Variants in NEUROD1 observed in about 807,000 individuals in gnomAD.
NEUROD1 encodes the protein neuronal differentiation 1.
NEUROD1 carries 9 observed loss-of-function variants against 21.8 expected under a neutral mutation model. The observed-to-expected ratio is 0.41, with a 90% confidence interval of 0.25 to 0.72. The LOEUF is 0.72. NEUROD1 is among the 30% of genes least tolerant of loss of function. The pLI, the probability that NEUROD1 is intolerant of heterozygous loss-of-function variation, is 0.31. For missense variants in NEUROD1, 434 were observed against 468.8 expected (o/e 0.93, Z 0.69); for synonymous variants, 199 against 186.2 (o/e 1.07, Z -0.56).
downstream of NEUROD1, chr2:181,673,449 T>C (rs1688524801): frequency 6.6e-6 from 1 of 152,262 alleles, no homozygotes; most frequent in Non-Finnish European, 1.5e-5. Context: ...TCACTGTGCA[T>C]CTGACGCCAG....
At position 181,678,771 on chromosome 2, in the gene NEUROD1, C is replaced by T; in HGVS notation, c.90G>A (p.Gln30=). The change falls in exon 2 of 2, where the codon CAG becomes CAA. Residue 30 remains glutamine (Q), a synonymous_variant. Coordinates refer to ENST00000295108, the MANE Select transcript of NEUROD1 (RefSeq NM_002500.5). This position sits in a 1 kb window ranked among gnomAD's most constrained non-coding sequence, Gnocchi z 5.5. ...PSWTDECLSS[Q]DEEHEADKKE... ...TCTTGTCTGCCTCGTGCTCCTCGTC[C>T]TGAGAACTGAGACACTCGTCTGTCC... is the stretch of plus-strand genomic sequence containing the variant. 1 of 1,613,256 alleles carries T rather than the reference C, an allele frequency of 6.2e-7. No homozygotes were observed. The highest frequency in any genetic ancestry group is 8.5e-7 in the Non-Finnish European group (1 of 1,179,494).
At chr2:181,669,969 A>G (rs1199810466), downstream of NEUROD1, among the ~76,000 whole-genome samples, 1 of 152,178 alleles carries the variant, frequency 6.6e-6, no homozygotes, top group African/African-American at 2.4e-5. Context: ...TAAAACCCAA[A>G]AATAGAGACA....
chr2:181,679,135 ATG>A (rs1688653670), intron 1 of NEUROD1, among the ~76,000 whole-genome samples: 2 of 152,190 alleles, frequency 1.3e-5, no homozygotes, highest in East Asian at 3.9e-4. Context: ...ACTCACGCAT[ATG>A]TGTTTGTATC....
chr2:181,668,760 T>A (rs1688454965), downstream of NEUROD1, among the ~76,000 whole-genome samples: 1 of 152,190 alleles, frequency 6.6e-6, no homozygotes, highest in South Asian at 2.1e-4. Flanking sequence ...AAAAATTAGA[T>A]GGATTAAGAC....
At chr2:181,673,921 A>C (rs898917551), downstream of NEUROD1, among the ~76,000 whole-genome samples, 3 of 152,172 alleles carry the variant, frequency 2.0e-5, no homozygotes, top group Non-Finnish European at 4.4e-5. Context: ...ATTTATTTCA[A>C]ATGGTATTTT....
At chr2:181,679,749 T>G (rs542538527) in intron 1 of NEUROD1, among the ~76,000 whole-genome samples, 1 of 152,360 alleles carries the variant, frequency 6.6e-6, no homozygotes, top group East Asian at 1.9e-4. Flanking sequence ...GATTGAGTAA[T>G]TATAATGGTC....
chr2:181,678,170 A>G lies in NEUROD1; in HGVS notation c.691T>C (p.Tyr231His). ...YQSPGLPSPPYGTMDSSHVFH... is the reference protein window; with the variant it reads ...YQSPGLPSPPHGTMDSSHVFH... ...ACATGGGAGCTGTCCATGGTACCGTAAGGCGGACTGGGCAGCCCAGGCGAC... is the reference window on the plus strand; with the variant it reads ...ACATGGGAGCTGTCCATGGTACCGTGAGGCGGACTGGGCAGCCCAGGCGAC... Residue 231 changes from tyrosine to histidine, a missense_variant, in exon 2 of 2, where the codon TAC becomes CAC. By Grantham distance (83) the Tyr-to-His change is moderately conservative (BLOSUM62 2). Coordinates refer to ENST00000295108, the MANE Select transcript of NEUROD1 (RefSeq NM_002500.5). The surrounding 1 kb of genome is among the most constrained non-coding windows in gnomAD (Gnocchi z 5.5). The G allele has an allele frequency of 6.2e-7, 1 of 1,614,134 alleles. No individual in the cohort carries two copies. The highest frequency in any genetic ancestry group is 8.5e-7 in the Non-Finnish European group (1 of 1,180,020).
Position 181,678,321 on chromosome 2 carries a change from G to T in NEUROD1, c.540C>A (p.Thr180=), listed in dbSNP as rs565522208. The change falls in exon 2 of 2, where the codon ACC becomes ACA. Residue 180 remains threonine, a synonymous_variant. Coordinates refer to ENST00000295108, the MANE Select transcript of NEUROD1 (RefSeq NM_002500.5). This position sits in a 1 kb window ranked among gnomAD's most constrained non-coding sequence, Gnocchi z 5.5. ...QTLCKGLSQP[T]TNLVAGCLQL... is the part of the protein sequence containing the mutation. ...GCAGGCAGCCCGCAACCAGGTTGGTGGTGGGTTGGGATAAGCCCTTGCAAA... is the reference window on the plus strand; with the variant it reads ...GCAGGCAGCCCGCAACCAGGTTGGTTGTGGGTTGGGATAAGCCCTTGCAAA... 97 of 1,613,980 alleles carry T rather than the reference G, an allele frequency of 6.0e-5. No individual in the cohort carries two copies. Among genetic ancestry groups the T allele is most frequent in the South Asian group, 1.1e-4 (10 of 91,084 alleles).
intron 1 of NEUROD1, among the ~76,000 whole-genome samples, chr2:181,680,001 C>A (rs1173765749): frequency 6.6e-5 from 10 of 152,158 alleles, no homozygotes; most frequent in Admixed American, 5.9e-4. Flanking sequence ...CCCTTTCATT[C>A]ACTGAAAACA....
chr2:181,680,217 C>A (rs1370529028), intron 1 of NEUROD1, among the ~76,000 whole-genome samples: 1 of 151,960 alleles, frequency 6.6e-6, no homozygotes, highest in African/African-American at 2.4e-5. Flanking sequence ...AAAAGAAACC[C>A]AAATTTTTAA....
At chr2:181,668,847 T>A (rs1325414125), downstream of NEUROD1, among the ~76,000 whole-genome samples, 2 of 152,222 alleles carry the variant, frequency 1.3e-5, no homozygotes, top group Admixed American at 6.5e-5. Context: ...TTGATGAGTC[T>A]TGATGAAACT....
chr2:181,668,663 C>T (rs376574709), downstream of NEUROD1, among the ~76,000 whole-genome samples: 7 of 152,256 alleles, frequency 4.6e-5, no homozygotes, highest in South Asian at 2.1e-4. Context: ...TTCACTTCAA[C>T]GTCTCTCTTA....
chr2:181,680,111 C>T (rs1168782904), intron 1 of NEUROD1, among the ~76,000 whole-genome samples: 1 of 152,004 alleles, frequency 6.6e-6, no homozygotes. Context: ...AAAGTGAAGT[C>T]ATTATTGCTT....
At chr2:181,674,848 T>C, downstream of NEUROD1, among the ~76,000 whole-genome samples, 1 of 152,130 alleles carries the variant, frequency 6.6e-6, no homozygotes, top group Admixed American at 6.5e-5. Context: ...ATTTCTACCT[T>C]ACAAAAGAAC....
exon 2 of NEUROD1, among the ~76,000 whole-genome samples, chr2:181,670,594 A>G (rs995241933): frequency 7.9e-5 from 12 of 152,330 alleles, no homozygotes; most frequent in African/African-American, 2.6e-4. Context: ...GAAATGTATT[A>G]TATTACAGTT....
chr2:181,679,305 C>T (rs925929651), intron 1 of NEUROD1, among the ~76,000 whole-genome samples: 14 of 151,758 alleles, frequency 9.2e-5, no homozygotes, highest in African/African-American at 3.4e-4. Flanking sequence ...ACACATTCTA[C>T]TTCCATTTCT....
At chr2:181,671,025 G>GCACACACACACACACA (rs71004600) in exon 2 of NEUROD1, among the ~76,000 whole-genome samples, 1 of 146,616 alleles carries the variant, frequency 6.8e-6, no homozygotes, top group East Asian at 2.0e-4. Context: ...GCATATGTGT[G>GCACACACACACACACA]CACACACACA....
At position 181,677,557 on chromosome 2, in the gene NEUROD1, A is replaced by AT. The variant is rs1688602693; in HGVS notation, c.*232dup. On this transcript the variant is annotated 3_prime_UTR_variant, in exon 2 of 2. Coordinates refer to ENST00000295108, the MANE Select transcript of NEUROD1 (RefSeq NM_002500.5). ...TGGTGTATTTTTTAAACTTTACTGT[A>AT]TTTTTTTATTTTTTAAATAGAAGAG... 1.6e-5 allele frequency: 10 copies of AT among 633,824 alleles called. No individual in the cohort carries two copies. The highest frequency in any genetic ancestry group is 4.2e-5 in the South Asian group (2 of 48,016). 39.3% of individuals were successfully genotyped at this position (633,824 alleles called of 1,614,324 possible).
downstream of NEUROD1, among the ~76,000 whole-genome samples, chr2:181,672,703 T>G (rs1417056195): frequency 6.6e-6 from 1 of 152,144 alleles, no homozygotes; most frequent in African/African-American, 2.4e-5. Flanking sequence ...AAAACCTGAA[T>G]GAAGAAAGGA....
Sources: allele counts gnomAD v4.1 joint callset (sites outside exome capture counted in the v4.1 genomes callset), GRCh38; gene constraint gnomAD v4.1.1; non-coding constraint Gnocchi (gnomAD v3.1); transcripts MANE v1.5; gene names NCBI Gene and HGNC (gene_info 2026-07-23, HGNC 2026-07-21).